LINGO1: variants seen among roughly 807,000 people sequenced by gnomAD.
LINGO1 encodes leucine-rich repeat and immunoglobulin-like domain-containing nogo receptor-interacting protein 1.
In LINGO1, 11 loss-of-function variants were observed where a neutral mutation model predicts 37.3. The ratio of observed to expected loss-of-function variants is 0.29; its 90% CI spans 0.19 to 0.49. The LOEUF (loss-of-function observed/expected upper bound fraction) is 0.49. Among genes scored for constraint, LINGO1 ranks in the 20% least tolerant of loss-of-function variants. The pLI, the probability that LINGO1 is intolerant of heterozygous loss-of-function variation, is 0.99. For missense variants in LINGO1, 585 were observed against 878.2 expected (o/e 0.67, Z 4.22); for synonymous variants, 387 against 403.0 (o/e 0.96, Z 0.48).
chr15:77,776,559 A>AAGGCAGGAAGGCAGGAAAGCAGGAAG (rs1555541410), intron 1 of LINGO1, among the ~76,000 whole-genome samples: 1 of 144,426 alleles, frequency 6.9e-6, no homozygotes, highest in African/African-American at 2.6e-5. Flanking sequence ...GGAGGGAGGG[A>AAGGCAGGAAGGCAGGAAAGCAGGAAG]GCTGACTCTG....
chr15:77,707,523 C>CA (rs1263068020), intron 2 of LINGO1: 1 of 152,258 alleles, frequency 6.6e-6, no homozygotes, highest in Non-Finnish European at 1.5e-5. Flanking sequence ...AGAACTGGGG[C>CA]ACCAGGGATT....
At chr15:77,800,756 T>C (rs1385246744) in intron 1 of LINGO1, among the ~76,000 whole-genome samples, 1 of 151,912 alleles carries the variant, frequency 6.6e-6, no homozygotes, top group Non-Finnish European at 1.5e-5. Flanking sequence ...AAAAGACACA[T>C]AAACAAAGTT....
intron 3 of LINGO1, among the ~76,000 whole-genome samples, chr15:77,665,513 C>T (rs2075109960): frequency 6.6e-6 from 1 of 152,214 alleles, no homozygotes; most frequent in Non-Finnish European, 1.5e-5. Flanking sequence ...AGCTCTGAGA[C>T]CTGGGAGACC....
intron 1 of LINGO1, among the ~76,000 whole-genome samples, chr15:77,617,511 C>G (rs141737462): frequency 6.6e-6 from 1 of 152,166 alleles, no homozygotes; most frequent in African/African-American, 2.4e-5. Flanking sequence ...ACTCATGGCC[C>G]GGAAGGGGCT....
At chr15:77,753,942 C>A (rs558757906) in intron 1 of LINGO1, among the ~76,000 whole-genome samples, 1 of 152,348 alleles carries the variant, frequency 6.6e-6, no homozygotes, top group South Asian at 2.1e-4. Context: ...CTTCCCACTT[C>A]CAGTGAGTGA....
intron 2 of LINGO1, among the ~76,000 whole-genome samples, chr15:77,717,588 C>T (rs1321904024): frequency 6.6e-6 from 1 of 150,782 alleles, no homozygotes; most frequent in Non-Finnish European, 1.5e-5. Flanking sequence ...AAGCTCAGCC[C>T]CGATAGTTGG....
At chr15:77,742,655 C>G (rs1298892288) in intron 1 of LINGO1, among the ~76,000 whole-genome samples, 1 of 152,222 alleles carries the variant, frequency 6.6e-6, no homozygotes, top group Non-Finnish European at 1.5e-5. Context: ...TGAGAAAAAG[C>G]TGGATATTCT....
intron 3 of LINGO1, among the ~76,000 whole-genome samples, chr15:77,676,525 G>A (rs543997611): frequency 5.3e-5 from 8 of 152,180 alleles, no homozygotes; most frequent in Non-Finnish European, 1.2e-4. Flanking sequence ...TCCAGGAGTG[G>A]CGCAGAAATG....
At chr15:77,674,436 AT>A (rs1430475016) in intron 3 of LINGO1, among the ~76,000 whole-genome samples, 2 of 152,162 alleles carry the variant, frequency 1.3e-5, no homozygotes, top group East Asian at 3.9e-4. Flanking sequence ...TCCCCACTTC[AT>A]TTTGGGTAAC....
At chr15:77,812,937 G>A (rs1013024924) in intron 1 of LINGO1, among the ~76,000 whole-genome samples, 6 of 152,184 alleles carry the variant, frequency 3.9e-5, no homozygotes, top group African/African-American at 1.4e-4. Context: ...AAATCCCCAG[G>A]CCTAAGGGAC....
intron 1 of LINGO1, among the ~76,000 whole-genome samples, chr15:77,812,795 G>C (rs141571503): frequency 1.3e-5 from 2 of 152,266 alleles, no homozygotes; most frequent in East Asian, 3.8e-4. Flanking sequence ...TGTATGGCTA[G>C]TGACTGGGTG....
At chr15:77,646,410 C>G (rs1377843150) in intron 3 of LINGO1, 14 of 449,030 alleles carry the variant, frequency 3.1e-5, no homozygotes, top group Non-Finnish European at 4.9e-5. Context: ...TCATGGTGAT[C>G]AAGACGGCTA....
intron 1 of LINGO1, among the ~76,000 whole-genome samples, chr15:77,764,559 C>T (rs1053616076): frequency 6.6e-6 from 1 of 152,110 alleles, no homozygotes; most frequent in Non-Finnish European, 1.5e-5. Context: ...AGAAGAGGAG[C>T]GCTGAAGGGC....
chr15:77,673,897 G>C (rs1051132288), intron 3 of LINGO1, among the ~76,000 whole-genome samples: 1 of 152,042 alleles, frequency 6.6e-6, no homozygotes, highest in Non-Finnish European at 1.5e-5. Context: ...AGGGCCCCAG[G>C]CTTCCTTTAA....
chr15:77,741,679 A>C (rs908448504), intron 1 of LINGO1, among the ~76,000 whole-genome samples: 3 of 152,218 alleles, frequency 2.0e-5, no homozygotes, highest in African/African-American at 7.2e-5. Flanking sequence ...GCAGACAAGT[A>C]GCTTCCCGCC....
At chr15:77,780,560 G>A (rs1409230655) in intron 1 of LINGO1, among the ~76,000 whole-genome samples, 1 of 152,110 alleles carries the variant, frequency 6.6e-6, no homozygotes, top group Non-Finnish European at 1.5e-5. Context: ...CAGCCTGTGT[G>A]GATGCAATAT....
intron 1 of LINGO1, among the ~76,000 whole-genome samples, chr15:77,776,592 C>G (rs1299044740): frequency 7.0e-6 from 1 of 142,246 alleles, no homozygotes; most frequent in Non-Finnish European, 1.5e-5. Context: ...ACTTTGGGGC[C>G]GCAATATAAC....
chr15:77,726,438 G>A (rs1032771023), intron 2 of LINGO1, among the ~76,000 whole-genome samples: 4 of 152,234 alleles, frequency 2.6e-5, no homozygotes, highest in African/African-American at 9.6e-5. Flanking sequence ...GGAAGAAGGA[G>A]CACAAGTCCT....
At chr15:77,659,914 G>A (rs1005416910) in intron 3 of LINGO1, 4 of 152,272 alleles carry the variant, frequency 2.6e-5, no homozygotes, top group African/African-American at 9.6e-5. Flanking sequence ...GGCACCCTGG[G>A]AACCAGAAGA....
Sources: allele counts gnomAD v4.1 joint callset (sites outside exome capture counted in the v4.1 genomes callset), GRCh38; gene constraint gnomAD v4.1.1; transcripts MANE v1.5; gene names NCBI Gene and HGNC (gene_info 2026-07-23, HGNC 2026-07-21).